Variants in COL6A1 observed in about 807,000 individuals in gnomAD.
COL6A1 encodes the protein collagen alpha-1(VI) chain.
COL6A1 carries 80 observed loss-of-function variants against 145.6 expected under a neutral mutation model. The ratio of observed to expected loss-of-function variants is 0.55; its 90% CI spans 0.46 to 0.66. The LOEUF is 0.66. COL6A1 is among the 30% of genes least tolerant of loss of function. COL6A1 has a pLI of 0.00. For synonymous variants in COL6A1, 638 were observed against 622.8 expected (o/e 1.02, Z -0.36); for missense variants, 1,364 against 1,473.8 (o/e 0.93, Z 1.22).
chr21:45,999,798 G>GA (rs1455368841), intron 27 of COL6A1, 106 bp downstream of exon 27: 4 of 937,326 alleles, frequency 4.3e-6, no homozygotes, highest in Non-Finnish European at 4.8e-6. Flanking sequence ...CTCACGGGGG[G>GA]GTGGGTTGTG....
rs983091594 is a variant in COL6A1 at position 45,986,699 on chromosome 21, C to T, written c.588+14C>T. 6.5e-7 allele frequency: 1 copy of T among 1,536,642 alleles called. No individual in the cohort carries two copies. The highest frequency in any genetic ancestry group is 8.8e-7 in the Non-Finnish European group (1 of 1,141,394). On this transcript the variant is annotated intron_variant, in intron 4 of 34. Transcript: ENST00000361866. Reference sequence around the variant, plus strand: ...CCCGACCACCTGGTAGGCACCGGCCCCCCCCGGCAGATGCCCCCAACCACA... The same window carrying T: ...CCCGACCACCTGGTAGGCACCGGCCTCCCCCGGCAGATGCCCCCAACCACA...
At chr21:46,003,067 G>T in intron 33 of COL6A1, 53 bp from the exon 34 acceptor site, 3 of 1,613,700 alleles carry the variant, frequency 1.9e-6, no homozygotes, top group South Asian at 2.2e-5. Context: ...ATCTCCTTGC[G>T]GGGTTATAGG....
chr21:46,002,483 G>A (rs1243734859), intron 32 of COL6A1, 44 bp from the exon 33 acceptor site: 5 of 1,613,252 alleles, frequency 3.1e-6, no homozygotes, highest in Non-Finnish European at 3.4e-6. Context: ...AGAAAGACGA[G>A]GGCAGAGCAG....
rs1345316255 is a variant in COL6A1, at chr21:46,002,301, C to G, written c.2150C>G (p.Pro717Arg). The G allele has an allele frequency of 6.3e-7, 1 of 1,593,914 alleles. No individual in the cohort carries two copies. Among genetic ancestry groups the G allele is most frequent in the South Asian group, 1.1e-5 (1 of 88,656 alleles). Residue 717 changes from proline to arginine, a missense_variant, in exon 32 of 35, where the codon CCC becomes CGC. Around this residue, in one of 3 missense-constraint regions of COL6A1, gnomAD observed 938 missense variants for 1,003.8 expected, o/e 0.93. Coordinates refer to ENST00000361866, the MANE Select transcript of COL6A1 (RefSeq NM_001848.3). ...TACACGCGGGACCAGCTGCTGCCGC[C>G]CAGCCCGAACAACCGCATCGCCCTG... is the stretch of plus-strand genomic sequence containing the variant. ...LQYTRDQLLP[P>R]SPNNRIALVI...
intron 2 of COL6A1, 143 bp from the exon 3 acceptor site, chr21:45,984,126 A>AG: frequency 1.2e-6 from 1 of 863,738 alleles, no homozygotes; most frequent in Non-Finnish European, 1.9e-6. Context: ...GGCCGGCCTC[A>AG]GGGCCACAGG....
intron 1 of COL6A1, among the ~76,000 whole-genome samples, chr21:45,982,348 C>T (rs1228848459): frequency 1.3e-5 from 2 of 152,188 alleles, no homozygotes; most frequent in Non-Finnish European, 1.5e-5. Context: ...GAAACCTTCC[C>T]GTGAGGTCTC....
chr21:45,991,476 G>A (rs556943503), intron 15 of COL6A1, among the ~76,000 whole-genome samples: 3 of 152,172 alleles, frequency 2.0e-5, no homozygotes, highest in Non-Finnish European at 2.9e-5. Flanking sequence ...GTGGGAGGGC[G>A]AGTGGGCAGC....
Position 46,004,165 on chromosome 21 carries a change from G to C in COL6A1, c.*152G>C. On this transcript the variant is annotated 3_prime_UTR_variant, in exon 35 of 35. Coordinates refer to ENST00000361866, the MANE Select transcript of COL6A1 (RefSeq NM_001848.3). ...TGGAAAGCCAGGACACAACGCTGCT[G>C]CCTGCTTTGTGCAGGGTCCTCCGGG... 1 of 1,093,988 alleles carries C rather than the reference G, an allele frequency of 9.1e-7. No homozygotes were observed. Among genetic ancestry groups the C allele is most frequent in the African/African-American group, 1.6e-5 (1 of 64,408 alleles). 67.8% of individuals were successfully genotyped at this position (1,093,988 alleles called of 1,614,324 possible). A position where few individuals can be genotyped will look rare whatever the true frequency, so the allele number is the denominator to read the frequency against.
At position 46,000,965 on chromosome 21, in the gene COL6A1, C is replaced by T. The variant is rs990097903; in HGVS notation, c.1822+198C>T. ...TGGGCTGGGCCCCGCCCTCTTTCAC[C>T]CATAACTGAAATAACCAGGAGCAGG... is the stretch of plus-strand genomic sequence containing the variant. On this transcript the variant is annotated intron_variant, in intron 29 of 34. Transcript: ENST00000361866. 4.0e-6 allele frequency: 3 copies of T among 745,386 alleles called. No homozygotes were observed. In the African/African-American group the frequency reaches 5.2e-5, roughly 13 times the overall value. 46.2% of individuals were successfully genotyped at this position (745,386 alleles called of 1,614,324 possible).
At chr21:45,984,611 T>A in intron 3 of COL6A1, 142 bp downstream of exon 3, 1 of 741,624 alleles carries the variant, frequency 1.3e-6, no homozygotes, top group Non-Finnish European at 2.3e-6. Flanking sequence ...CTGACCCACT[T>A]TGTGGGCAGG....
intron 18 of COL6A1, 28 bp downstream of exon 18, chr21:45,992,426 G>A: frequency 6.2e-7 from 1 of 1,609,798 alleles, no homozygotes; most frequent in Non-Finnish European, 8.5e-7. Flanking sequence ...AGCCTGCGCT[G>A]TTGGCCTCAC....
chr21:45,994,737 C>T lies in COL6A1; in HGVS notation c.1398+508C>T, dbSNP rs529485596. 2.0e-5 allele frequency among the ~76,000 whole-genome samples: 3 copies of T among 152,318 alleles called. No individual in the cohort carries two copies. Among genetic ancestry groups the T allele is most frequent in the South Asian group, 4.1e-4 (2 of 4,828 alleles). On this transcript the variant is annotated intron_variant, in intron 20 of 34. Transcript: ENST00000361866. This position sits in a 1 kb window ranked among gnomAD's most constrained non-coding sequence, Gnocchi z 6.8. ...GAGCCTCTGGAATCGCTGTGCACGC[C>T]GCACGGCTTTCTGTCTCTTCCCCCA...
At chr21:45,989,210 G>A (rs1349904442) in intron 9 of COL6A1, 73 bp downstream of exon 9, 58 of 1,486,826 alleles carry the variant, frequency 3.9e-5, no homozygotes, top group East Asian at 6.8e-5. Context: ...GGAAACTTCC[G>A]GAAGAGTGGC....
intron 2 of COL6A1, among the ~76,000 whole-genome samples, chr21:45,983,352 G>A (rs530965444): frequency 2.9e-5 from 3 of 105,106 alleles, no homozygotes; most frequent in East Asian, 2.0e-4. Flanking sequence ...AGGACAGACC[G>A]GGGGGAGAGG....
At chr21:45,997,212 G>A (rs1385953971) in intron 20 of COL6A1, among the ~76,000 whole-genome samples, 12 of 151,410 alleles carry the variant, frequency 7.9e-5, no homozygotes, top group East Asian at 2.0e-4. Flanking sequence ...GGCGCCCACC[G>A]AAGGGCTTCA....
At chr21:45,986,771 T>C in intron 4 of COL6A1, 86 bp downstream of exon 4, 2 of 1,520,882 alleles carry the variant, frequency 1.3e-6, no homozygotes, top group Non-Finnish European at 1.8e-6. Context: ...CGTCTTTTGG[T>C]CCTCGGGAGG....
chr21:45,997,121 G>T (rs1203323888), intron 20 of COL6A1, among the ~76,000 whole-genome samples: 1 of 149,930 alleles, frequency 6.7e-6, no homozygotes, highest in Non-Finnish European at 1.5e-5. Context: ...CTTCCGTGGG[G>T]GCCTGAGGCA....
Position 45,987,012 on chromosome 21 carries a change from C to T in COL6A1, c.657C>T (p.Gly219=), listed in dbSNP as rs756609103. The change falls in exon 5 of 35, where the codon GGC becomes GGT. Residue 219 remains glycine (G), a synonymous_variant. Transcript: ENST00000361866. ...YRRNFTAADW[G]QSRDAEEAIS... is the part of the protein sequence containing the mutation. ...GCAACTTCACGGCGGCTGACTGGGG[C>T]CAGAGCCGCGACGCAGAGGAGGCCA... The T allele has an allele frequency of 3.6e-5, 56 of 1,551,096 alleles. No homozygotes were observed. The highest frequency in any genetic ancestry group is 4.8e-5 in the Non-Finnish European group (55 of 1,147,918).
At chr21:45,990,048 GTTA>G (rs376860429) in intron 11 of COL6A1, among the ~76,000 whole-genome samples, 172 of 141,624 alleles carry the variant, frequency 1.2e-3, no homozygotes, top group African/African-American at 4.1e-3. Context: ...CCCCCGGGCG[GTTA>G]CCCTCTGCGG....
Sources: allele counts gnomAD v4.1 joint callset (sites outside exome capture counted in the v4.1 genomes callset), GRCh38; gene constraint gnomAD v4.1.1; regional missense constraint gnomAD v4.1.1; non-coding constraint Gnocchi (gnomAD v3.1); transcripts MANE v1.5; gene names NCBI Gene and HGNC (gene_info 2026-07-23, HGNC 2026-07-21).